PPP2R1B: variants seen among roughly 807,000 people sequenced by gnomAD.
PPP2R1B encodes protein phosphatase 2 scaffold subunit Abeta, also known as serine/threonine-protein phosphatase 2A 65 kDa regulatory subunit A beta isoform.
A neutral mutation model predicts 72.7 loss-of-function variants in PPP2R1B; 58 were observed. The observed-to-expected ratio is 0.80, with a 90% CI of 0.65 to 0.99. PPP2R1B has a LOEUF of 0.99. Ranked by LOEUF, PPP2R1B falls within the 50% of genes least tolerant of loss-of-function variation. The probability of loss-of-function intolerance (pLI) is 0.00; values close to 1 mark genes in which losing one functional copy is unlikely to be tolerated. For missense variants in PPP2R1B, 695 were observed against 733.6 expected, an observed-to-expected ratio of 0.95 and a Z score of 0.61; for synonymous variants, 256 against 264.6, an observed-to-expected ratio of 0.97 and a Z score of 0.32.
intron 12 of PPP2R1B, among the ~76,000 whole-genome samples, chr11:111,743,157 G>C (rs1328991227): frequency 1.3e-5 from 2 of 152,128 alleles, no homozygotes; most frequent in Non-Finnish European, 2.9e-5. Flanking sequence ...GCCTCCCAAA[G>C]TGCTGGGATT....
chr11:111,745,359 A>AT (rs373999713), intron 11 of PPP2R1B, among the ~76,000 whole-genome samples: 5 of 151,906 alleles, frequency 3.3e-5, no homozygotes, highest in Non-Finnish European at 4.4e-5. Context: ...GCAAATTACT[A>AT]TTTTTTTTAA....
intron 5 of PPP2R1B, among the ~76,000 whole-genome samples, chr11:111,757,027 T>C (rs113181664): frequency 5.2e-4 from 79 of 151,984 alleles, no homozygotes; most frequent in African/African-American, 1.8e-3. Context: ...GGCAGCAGAA[T>C]TGCTTGAACC....
chr11:111,764,994 G>T, intron 2 of PPP2R1B, 89 bp from the exon 3 acceptor site: 2 of 1,534,992 alleles, frequency 1.3e-6, no homozygotes, highest in South Asian at 1.2e-5. Flanking sequence ...TTCACTATGC[G>T]ACCAGGAAGG....
chr11:111,722,010 C>T (rs931066231), downstream of PPP2R1B: 8 of 1,212,872 alleles, frequency 6.6e-6, no homozygotes, highest in African/African-American at 4.5e-5. This position sits in a 1 kb window ranked among gnomAD's most constrained non-coding sequence, Gnocchi z 4.4. Flanking sequence ...AAAGCAGAAA[C>T]GTGTTTTGCC....
exon 16 of PPP2R1B, chr11:111,726,968 G>C: frequency 6.2e-7 from 1 of 1,613,570 alleles, no homozygotes; most frequent in African/African-American, 1.3e-5. Context: ...TGGGGTATTA[G>C]TCTGTGCTTT....
chr11:111,760,275 G>A (rs1027085543), intron 4 of PPP2R1B, among the ~76,000 whole-genome samples: 18 of 152,162 alleles, frequency 1.2e-4, no homozygotes, highest in African/African-American at 3.9e-4. Flanking sequence ...GTTGTTTGTC[G>A]GGGGCTCAAG....
downstream of PPP2R1B, chr11:111,725,801 C>T (rs1943946600): frequency 1.3e-5 from 2 of 152,702 alleles, no homozygotes. Flanking sequence ...TTGAGCAGTC[C>T]CTGTTGCTGG....
At chr11:111,705,117 T>C in the PPP2R1B span, 2 of 1,578,564 alleles carry the variant, frequency 1.3e-6, no homozygotes, top group Non-Finnish European at 1.7e-6. This position sits in a 1 kb window ranked among gnomAD's most constrained non-coding sequence, Gnocchi z 4.3. Flanking sequence ...CCTAGCACCA[T>C]TGCTGAGCAA....
chr11:111,701,476 C>G, the PPP2R1B span: 7 of 1,613,756 alleles, frequency 4.3e-6, no homozygotes, highest in Non-Finnish European at 5.9e-6. This position sits in a 1 kb window ranked among gnomAD's most constrained non-coding sequence, Gnocchi z 4.2. Context: ...TCTTTATGTC[C>G]TTGTCTGTGG....
rs781901679 is a variant in PPP2R1B at position 111,766,292 on chromosome 11, G to T, written c.70C>A (p.Pro24Thr). The change falls in exon 1 of 15, where the codon CCG becomes ACG. Residue 24 changes from proline (P) to threonine (T), a missense_variant. Pro to Thr is a conservative substitution (Grantham distance 38). Coordinates refer to ENST00000527614, the MANE Select transcript of PPP2R1B (RefSeq NM_002716.5). ...AGCTCGTCGATTAAAACCGCGATCG[G>T]GTATAGCGAATCATCTCCATCTCCA... is the stretch of plus-strand genomic sequence containing the variant. ...AGGDGDDSLY[P>T]IAVLIDELRN... The T allele has an allele frequency of 1.3e-6, 2 of 1,591,208 alleles. No individual in the cohort carries two copies. The highest frequency in any genetic ancestry group is 1.7e-6 in the Non-Finnish European group (2 of 1,170,532).
the PPP2R1B span, chr11:111,720,403 T>C: frequency 7.0e-7 from 1 of 1,419,126 alleles, no homozygotes; most frequent in Non-Finnish European, 9.5e-7. Context: ...AAACTCAAGC[T>C]GGTTATGCTT....
At chr11:111,724,776 G>A (rs569051300), downstream of PPP2R1B, 1 of 152,806 alleles carries the variant, frequency 6.5e-6, no homozygotes, top group East Asian at 1.9e-4. Flanking sequence ...TCTCCATTCG[G>A]AAGCAGGTGA....
chr11:111,693,838 G>C, the PPP2R1B span, among the ~76,000 whole-genome samples: 1 of 152,124 alleles, frequency 6.6e-6, no homozygotes, highest in East Asian at 1.9e-4. Context: ...GATAATATTG[G>C]AGACAGGGAG....
At chr11:111,706,111 G>A in the PPP2R1B span, among the ~76,000 whole-genome samples, 1 of 152,158 alleles carries the variant, frequency 6.6e-6, no homozygotes, top group Non-Finnish European at 1.5e-5. Context: ...TTGTGCCTTG[G>A]TTTCCCAAGT....
At chr11:111,762,911 T>C (rs1555051803) in intron 3 of PPP2R1B, among the ~76,000 whole-genome samples, 1 of 152,178 alleles carries the variant, frequency 6.6e-6, no homozygotes, top group South Asian at 2.1e-4. Flanking sequence ...CAATACATTA[T>C]TATTGGTATA....
rs148740616 is a variant in PPP2R1B, at chr11:111,764,994, G to C, written c.206-89C>G. On this transcript the variant is annotated intron_variant, in intron 2 of 14. Coordinates refer to ENST00000527614, the MANE Select transcript of PPP2R1B (RefSeq NM_002716.5). The stretch of plus-strand genomic sequence containing the variant: ...AAAACTAGGAACAGATTCACTATGC[G>C]ACCAGGAAGGTGACCCAGTCAAAAT... 518 of 1,534,992 alleles carry C rather than the reference G, an allele frequency of 3.4e-4. 3 individuals carry two copies. The African/African-American group carries it at 6.4e-3, about 19-fold the overall frequency.
the PPP2R1B span, chr11:111,712,478 T>A: frequency 1.6e-6 from 2 of 1,257,542 alleles, no homozygotes; most frequent in Non-Finnish European, 2.2e-6. Flanking sequence ...ATCATTTCGT[T>A]AAGTCACTCA....
downstream of PPP2R1B, among the ~76,000 whole-genome samples, chr11:111,736,391 C>A (rs1944342274): frequency 6.6e-6 from 1 of 152,184 alleles, no homozygotes; most frequent in Non-Finnish European, 1.5e-5. Context: ...TAACCCCTTT[C>A]TTCCCAAAGA....
Position 111,739,482 on chromosome 11 carries a change from G to A in PPP2R1B, c.*2114C>T, listed in dbSNP as rs567258152. 132 of 985,366 alleles carry A rather than the reference G, an allele frequency of 1.3e-4. No homozygotes were observed. In the African/African-American group the frequency reaches 2.0e-3, roughly 15 times the overall value. The allele number at this position is 985,366 out of a possible 1,614,324, so 61.0% of individuals were successfully genotyped here. A position where few individuals can be genotyped will look rare whatever the true frequency, so the allele number is the denominator to read the frequency against. Reference sequence around the variant, plus strand: ...AGAAGGAAACAATGAAACCCCTGAGGGGTCACCACAAAAGACAGAGGCCCC... The same window carrying A: ...AGAAGGAAACAATGAAACCCCTGAGAGGTCACCACAAAAGACAGAGGCCCC... On this transcript the variant is annotated 3_prime_UTR_variant, in exon 15 of 15. Transcript: ENST00000527614.
Sources: gnomAD v4.1 joint callset for allele counts (sites outside exome capture counted in the v4.1 genomes callset) on GRCh38, gnomAD v4.1.1 for gene constraint, Gnocchi (gnomAD v3.1) non-coding constraint, MANE v1.5 for transcripts, NCBI Gene and HGNC (gene_info 2026-07-23, HGNC 2026-07-21) for gene names.